WEE1: variants seen among roughly 807,000 people sequenced by gnomAD.
WEE1 encodes the protein WEE1 G2 checkpoint kinase.
A neutral mutation model predicts 68.8 loss-of-function variants in WEE1; 16 were observed. The ratio of observed to expected loss-of-function variants is 0.23; its 90% confidence interval spans 0.16 to 0.35. The LOEUF (loss-of-function observed/expected upper bound fraction) is 0.35. WEE1 is among the 10% of genes least tolerant of loss of function. The pLI, the probability that WEE1 is intolerant of heterozygous loss-of-function variation, is 1.00. For synonymous variants in WEE1, 349 were observed against 318.7 expected (o/e 1.09, Z -1.01); for missense variants, 651 against 824.1 (o/e 0.79, Z 2.57).
chr11:9,589,797 A>G lies in WEE1; in HGVS notation c.*1195A>G, dbSNP rs1234640471. On this transcript the variant is annotated 3_prime_UTR_variant, in exon 11 of 11. Coordinates refer to ENST00000450114, the MANE Select transcript of WEE1 (RefSeq NM_003390.4). ...TGTGATGCCTGTTTTCTAATATTTTATCTCTATTATTGCTATACTATAAAA... is the reference window on the plus strand; with the variant it reads ...TGTGATGCCTGTTTTCTAATATTTTGTCTCTATTATTGCTATACTATAAAA... 2.5e-6 allele frequency: 2 copies of G among 786,970 alleles called. No individual in the cohort carries two copies. The highest frequency in any genetic ancestry group is 3.1e-6 in the Non-Finnish European group (2 of 648,648). The allele number at this position is 786,970 out of a possible 1,614,324, so 48.7% of individuals were successfully genotyped here. A position where few individuals can be genotyped will look rare whatever the true frequency, so the allele number is the denominator to read the frequency against.
Position 9,574,809 on chromosome 11 carries a change from G to C in WEE1, c.576+300G>C. On this transcript the variant is annotated intron_variant, in intron 1 of 10. Transcript: ENST00000450114. This position sits in a 1 kb window ranked among gnomAD's most constrained non-coding sequence, Gnocchi z 4.9. ...GCCGCCCCGAGCGTGTCAGCCCCGAGTGCGGCACCGATAACGCGGTTCGCG... is the reference window on the plus strand; with the variant it reads ...GCCGCCCCGAGCGTGTCAGCCCCGACTGCGGCACCGATAACGCGGTTCGCG... 3.0e-6 allele frequency: 3 copies of C among 1,000,998 alleles called. No homozygotes were observed. The highest frequency in any genetic ancestry group is 3.6e-6 in the Non-Finnish European group (3 of 840,238). The allele number at this position is 1,000,998 out of a possible 1,614,324, so 62.0% of individuals were successfully genotyped here.
In WEE1 at chr11:9,577,230, G is replaced by C; in HGVS notation, c.1108G>C (p.Asp370His). 1 of 1,613,978 alleles carries C rather than the reference G, an allele frequency of 6.2e-7. No individual in the cohort carries two copies. Among genetic ancestry groups the C allele is most frequent in the South Asian group, 1.1e-5 (1 of 91,058 alleles). ...ATATTTCTCTGCGTGGGCAGAAGAT[G>C]ATCATATGCTTATACAGAATGAATA... is the stretch of plus-strand genomic sequence containing the variant. ...VRYFSAWAED[D>H]HMLIQNEYCN... is the part of the protein sequence containing the mutation. Residue 370 changes from aspartate (D) to histidine (H), a missense_variant, in exon 5 of 11, where the codon GAT becomes CAT. Physicochemically the swap from Asp to His is moderately conservative, Grantham distance 81 (BLOSUM62 -1). Coordinates refer to ENST00000450114, the MANE Select transcript of WEE1 (RefSeq NM_003390.4).
At position 9,588,955 on chromosome 11, in the gene WEE1, C is replaced by T. The variant is rs1233870505; in HGVS notation, c.*353C>T. ...AAGTACTCAAGGGCTTTATTACAGA[C>T]ATACCCTCCCTTTGAAAAGGGACAT... is the stretch of plus-strand genomic sequence containing the variant. On this transcript the variant is annotated 3_prime_UTR_variant, in exon 11 of 11. Coordinates refer to ENST00000450114, the MANE Select transcript of WEE1 (RefSeq NM_003390.4). 2.0e-6 allele frequency: 2 copies of T among 989,082 alleles called. No homozygotes were observed. The highest frequency in any genetic ancestry group is 2.4e-6 in the Non-Finnish European group (2 of 832,048). The allele number at this position is 989,082 out of a possible 1,614,324, so 61.3% of individuals were successfully genotyped here.
At position 9,586,469 on chromosome 11, in the gene WEE1, A is replaced by T. The variant is rs1183855666; in HGVS notation, c.1491A>T (p.Lys497Asn). 1 of 1,613,416 alleles carries T rather than the reference A, an allele frequency of 6.2e-7. No individual in the cohort carries two copies. The highest frequency in any genetic ancestry group is 2.2e-5 in the East Asian group (1 of 44,872). The change falls in exon 9 of 11, where the codon AAA (lysine) becomes AAT (asparagine). Residue 497 changes from lysine to asparagine, a missense_variant. Coordinates refer to ENST00000450114, the MANE Select transcript of WEE1 (RefSeq NM_003390.4). ...TACAGAATTATACCCATCTACCAAAAGCAGATATTTTTGCGCTTGCCCTCA... is the reference window on the plus strand; with the variant it reads ...TACAGAATTATACCCATCTACCAAATGCAGATATTTTTGCGCTTGCCCTCA... The part of the protein sequence containing the change: ...VLQENYTHLP[K>N]ADIFALALTV...
intron 6 of WEE1, among the ~76,000 whole-genome samples, chr11:9,582,769 G>C (rs1300595469): frequency 6.6e-6 from 1 of 152,034 alleles, no homozygotes; most frequent in Non-Finnish European, 1.5e-5. Flanking sequence ...GTTTCACCAT[G>C]TTGGCTAAGC....
chr11:9,581,648 A>G lies in WEE1; in HGVS notation c.1258A>G (p.Met420Val), dbSNP rs760102237. The G allele has an allele frequency of 6.8e-6, 11 of 1,613,114 alleles. No individual in the cohort carries two copies. The highest frequency in any genetic ancestry group is 4.4e-5 in the South Asian group (4 of 90,898). The change falls in exon 6 of 11, where the codon ATG (methionine) becomes GTG (valine). Residue 420 changes from methionine to valine, a missense_variant. Physicochemically the swap from Met to Val is conservative, Grantham distance 21. This residue lies in a region of WEE1 where 82 missense variants were observed against 123.2 expected (regional missense o/e 0.67). Transcript: ENST00000450114. ...CCGAGGCTTGAGGTATATTCATTCA[A>G]TGTCTTTGGTTCACATGGATATAAA... ...VGRGLRYIHS[M>V]SLVHMDIKPS...
intron 6 of WEE1, among the ~76,000 whole-genome samples, chr11:9,583,158 C>T (rs1849647045): frequency 6.6e-6 from 1 of 151,556 alleles, no homozygotes; most frequent in Non-Finnish European, 1.5e-5. Context: ...ACTAAAATTA[C>T]AAAAATTAGC....
intron 5 of WEE1, 112 bp downstream of exon 5, chr11:9,577,375 A>G: frequency 2.2e-6 from 3 of 1,365,328 alleles, no homozygotes; most frequent in Non-Finnish European, 3.0e-6. Flanking sequence ...TTATAAATTT[A>G]AAGATCAGAG....
At chr11:9,583,736 T>C (rs1236939927) in intron 6 of WEE1, among the ~76,000 whole-genome samples, 1 of 138,080 alleles carries the variant, frequency 7.2e-6, no homozygotes, top group African/African-American at 2.6e-5. Flanking sequence ...TAAATATTTG[T>C]GCGTGTGTGT....
In WEE1 at chr11:9,573,943, C is replaced by A; in HGVS notation, c.10C>A (p.Leu4Met). Residue 4 changes from leucine (L) to methionine (M), a missense_variant, in exon 1 of 11, where the codon CTG becomes ATG. By Grantham distance (15) the Leu-to-Met change is conservative. Transcript: ENST00000450114. MSF[L>M]SRQQPPPPRR... Reference sequence around the variant, plus strand: ...CGTCCCCAGGGCCGCGATGAGCTTCCTGAGCCGACAGCAGCCGCCGCCACC... The same window carrying A: ...CGTCCCCAGGGCCGCGATGAGCTTCATGAGCCGACAGCAGCCGCCGCCACC... 1.6e-6 allele frequency: 2 copies of A among 1,286,022 alleles called. No individual in the cohort carries two copies. The highest frequency in any genetic ancestry group is 2.0e-6 in the Non-Finnish European group (2 of 1,017,038). 79.7% of individuals were successfully genotyped at this position (1,286,022 alleles called of 1,614,324 possible).
rs1223540966 is a variant in WEE1 at position 9,573,880 on chromosome 11, C to G, written c.-54C>G. On this transcript the variant is annotated 5_prime_UTR_variant, in exon 1 of 11. Coordinates refer to ENST00000450114, the MANE Select transcript of WEE1 (RefSeq NM_003390.4). Reference sequence around the variant, plus strand: ...GACCCGCCCCCAGGCCCGCAGTGTCCTGGACCCCGCAGGCCTCCGCTCTCC... The same window carrying G: ...GACCCGCCCCCAGGCCCGCAGTGTCGTGGACCCCGCAGGCCTCCGCTCTCC... 3.3e-6 allele frequency: 4 copies of G among 1,208,966 alleles called. No individual in the cohort carries two copies. The highest frequency in any genetic ancestry group is 4.1e-6 in the Non-Finnish European group (4 of 971,696). 74.9% of individuals were successfully genotyped at this position (1,208,966 alleles called of 1,614,324 possible).
chr11:9,575,097 C>T (rs1458395400), intron 1 of WEE1: 1 of 985,466 alleles, frequency 1.0e-6, no homozygotes, highest in Non-Finnish European at 1.2e-6. Flanking sequence ...TAAGTCCAGG[C>T]AGTACTGAGG....
At chr11:9,579,346 G>C (rs1468580973) in intron 5 of WEE1, 1 of 151,926 alleles carries the variant, frequency 6.6e-6, no homozygotes, top group Non-Finnish European at 1.5e-5. Context: ...ATACCAATAG[G>C]GCTCATCTTC....
chr11:9,574,024 A>G lies in WEE1; in HGVS notation c.91A>G (p.Ser31Gly). The change falls in exon 1 of 11, where the codon AGC becomes GGC. Residue 31 changes from serine to glycine, a missense_variant. By Grantham distance (56) the Ser-to-Gly change is moderately conservative. This residue lies in a region of WEE1 where 395 missense variants were observed against 378.4 expected (regional missense o/e 1.04). Coordinates refer to ENST00000450114, the MANE Select transcript of WEE1 (RefSeq NM_003390.4). This position sits in a 1 kb window ranked among gnomAD's most constrained non-coding sequence, Gnocchi z 4.9. ...GCAGAAGCTGATCTTCTCGCCCTGC[A>G]GCGACTGTGAGGAGGAGGAAGAAGA... ...LRQKLIFSPCSDCEEEEEEEE... is the reference protein window; with the variant it reads ...LRQKLIFSPCGDCEEEEEEEE... The G allele has an allele frequency of 7.8e-7, 1 of 1,274,534 alleles. No homozygotes were observed. Among genetic ancestry groups the G allele is most frequent in the Non-Finnish European group, 9.9e-7 (1 of 1,009,942 alleles). The allele number at this position is 1,274,534 out of a possible 1,614,324, so 79.0% of individuals were successfully genotyped here.
chr11:9,573,718 C>T lies in WEE1; in HGVS notation c.-216C>T. On this transcript the variant is annotated 5_prime_UTR_variant, in exon 1 of 11. Coordinates refer to ENST00000450114, the MANE Select transcript of WEE1 (RefSeq NM_003390.4). ...CTGAGGAGACCTCAGCCTCGGTGCT[C>T]GGGCCGCCCCGCCTCTGCCGGAAAG... 5.0e-6 allele frequency: 1 copy of T among 199,220 alleles called. No individual in the cohort carries two copies. Among genetic ancestry groups the T allele is most frequent in the Non-Finnish European group, 9.8e-6 (1 of 102,380 alleles). The allele number at this position is 199,220 out of a possible 1,614,324, so 12.3% of individuals were successfully genotyped here.
In WEE1 at chr11:9,576,998, T is replaced by G. The variant is rs1016004433; in HGVS notation, c.1020-144T>G. ...CCTTTGGAAAAATCTCTTACAAGTC[T>G]AAACCCCTTCTCTCTTAAGCAAGTT... On this transcript the variant is annotated intron_variant, in intron 4 of 10. Coordinates refer to ENST00000450114, the MANE Select transcript of WEE1 (RefSeq NM_003390.4). This position sits in a 1 kb window ranked among gnomAD's most constrained non-coding sequence, Gnocchi z 4.3. The G allele has an allele frequency of 8.1e-6, 7 of 860,994 alleles. No individual in the cohort carries two copies. The highest frequency in any genetic ancestry group is 6.9e-5 in the African/African-American group (4 of 57,710). The allele number at this position is 860,994 out of a possible 1,614,324, so 53.3% of individuals were successfully genotyped here.
At position 9,574,192 on chromosome 11, in the gene WEE1, G is replaced by C. The variant is rs915199641; in HGVS notation, c.259G>C (p.Gly87Arg). 2 of 1,164,524 alleles carry C rather than the reference G, an allele frequency of 1.7e-6. No individual in the cohort carries two copies. Among genetic ancestry groups the C allele is most frequent in the African/African-American group, 1.6e-5 (1 of 61,014 alleles). The allele number at this position is 1,164,524 out of a possible 1,614,324, so 72.1% of individuals were successfully genotyped here. The change falls in exon 1 of 11, where the codon GGC becomes CGC. Residue 87 changes from glycine (G) to arginine (R), a missense_variant. Gly to Arg is a moderately radical substitution (Grantham distance 125). This residue lies in a region of WEE1 where 395 missense variants were observed against 378.4 expected (regional missense o/e 1.04). Coordinates refer to ENST00000450114, the MANE Select transcript of WEE1 (RefSeq NM_003390.4). This position sits in a 1 kb window ranked among gnomAD's most constrained non-coding sequence, Gnocchi z 4.9. ...GCCCGGGCCGGCCCCCGGCAGCCCC[G>C]GCGAGCTGGAGGAGGACCTGTTGCT... ...RSPGPAPGSP[G>R]ELEEDLLLPG...
rs1216430488 is a variant in WEE1 at position 9,576,183 on chromosome 11, G to A, written c.783-47G>A. The A allele has an allele frequency of 1.3e-6, 2 of 1,591,088 alleles. No homozygotes were observed. The highest frequency in any genetic ancestry group is 1.7e-6 in the Non-Finnish European group (2 of 1,165,350). The stretch of plus-strand genomic sequence containing the variant: ...AAATTTAGTTCCTATTTAATGGCAT[G>A]GATGTATCTGTCAGATATATTGATA... On this transcript the variant is annotated intron_variant, in intron 2 of 10. Transcript: ENST00000450114. The surrounding 1 kb of genome is among the most constrained non-coding windows in gnomAD (Gnocchi z 4.3).
At chr11:9,584,103 C>G (rs1209965701) in intron 6 of WEE1, among the ~76,000 whole-genome samples, 1 of 151,684 alleles carries the variant, frequency 6.6e-6, no homozygotes, top group Non-Finnish European at 1.5e-5. Flanking sequence ...ACCTTGGCCT[C>G]CCAAAGTGCT....
Sources: allele counts gnomAD v4.1 joint callset (sites outside exome capture counted in the v4.1 genomes callset), GRCh38; gene constraint gnomAD v4.1.1; regional missense constraint gnomAD v4.1.1; non-coding constraint Gnocchi (gnomAD v3.1); transcripts MANE v1.5; gene names NCBI Gene and HGNC (gene_info 2026-07-23, HGNC 2026-07-21).